Variants in KLC1 observed in about 807,000 individuals in gnomAD.
The protein encoded by KLC1 is kinesin 2 60/70kDa.
A neutral mutation model predicts 84.2 loss-of-function variants in KLC1; 30 were observed. The observed-to-expected ratio is 0.36, with a 90% CI of 0.27 to 0.48. KLC1 has a LOEUF of 0.48. Among genes scored for constraint, KLC1 ranks in the 20% least tolerant of loss-of-function variants. The pLI, the probability that KLC1 is intolerant of heterozygous loss-of-function variation, is 0.99. For synonymous variants in KLC1, 289 were observed against 293.3 expected (o/e 0.99, Z 0.15); for missense variants, 499 against 805.4 (o/e 0.62, Z 4.60).
intron 3 of KLC1, 46 bp from the exon 4 acceptor site, chr14:103,662,070 G>T (rs375058603): frequency 2.3e-6 from 3 of 1,310,584 alleles, no homozygotes; most frequent in Non-Finnish European, 3.3e-6. Context: ...GACAGGATGT[G>T]TATAGCACGT....
chr14:103,630,384 A>G (rs2076581809), intron 1 of KLC1, among the ~76,000 whole-genome samples: 1 of 152,222 alleles, frequency 6.6e-6, no homozygotes, highest in South Asian at 2.1e-4. Flanking sequence ...TGAATTAAGA[A>G]TTTACATATT....
rs556434571 is a variant in KLC1 at position 103,645,904 on chromosome 14, C to G, written c.-1-8660C>G. The stretch of plus-strand genomic sequence containing the variant: ...TCCCGAGTAGCTGGGACTACAGGCA[C>G]CCGCCACCATGCCCAGCTAATTTTT... On this transcript the variant is annotated intron_variant, in intron 1 of 16. Transcript: ENST00000334553. Among the ~76,000 whole-genome samples, 20 of 152,042 alleles carry G rather than the reference C, an allele frequency of 1.3e-4. No individual in the cohort carries two copies. In the South Asian group the frequency reaches 4.2e-3, roughly 32 times the overall value.
intron 1 of KLC1, among the ~76,000 whole-genome samples, chr14:103,649,786 C>T (rs146600092): frequency 0.015 from 2,300 of 151,738 alleles, 31 homozygotes; most frequent in South Asian, 0.04. Context: ...AGCTTCGTCT[C>T]CCGGGTTCAC....
At chr14:103,642,695 T>C (rs1444648255) in intron 1 of KLC1, among the ~76,000 whole-genome samples, 2 of 151,898 alleles carry the variant, frequency 1.3e-5, no homozygotes, top group African/African-American at 4.8e-5. Context: ...AGGAACCAAC[T>C]GAAAGAGCTC....
intron 15 of KLC1, chr14:103,695,883 CCT>C (rs2082432622): frequency 1.0e-6 from 1 of 985,262 alleles, no homozygotes; most frequent in South Asian, 4.7e-5. Flanking sequence ...AATCTGAGTA[CCT>C]GAGTCCCCGA....
intron 2 of KLC1, among the ~76,000 whole-genome samples, 189 bp downstream of exon 2, chr14:103,655,014 G>T (rs995111169): frequency 6.6e-6 from 1 of 152,084 alleles, no homozygotes; most frequent in Non-Finnish European, 1.5e-5. Context: ...ATCACTTGAG[G>T]TCAGGAGTTT....
intron 16 of KLC1, 130 bp from the exon 17 acceptor site, chr14:103,701,071 C>T: frequency 8.5e-7 from 1 of 1,183,308 alleles, no homozygotes; most frequent in South Asian, 1.4e-5. Context: ...GGGAGGCTCA[C>T]AACCAGCAAC....
intron 14 of KLC1, among the ~76,000 whole-genome samples, chr14:103,688,306 C>T (rs1436803258): frequency 3.9e-5 from 6 of 152,124 alleles, no homozygotes; most frequent in Non-Finnish European, 8.8e-5. Context: ...CATGCCACCA[C>T]GCCTGGCTAG....
chr14:103,664,779 T>G (rs1224598625), intron 5 of KLC1, among the ~76,000 whole-genome samples: 1 of 151,012 alleles, frequency 6.6e-6, no homozygotes, highest in Non-Finnish European at 1.5e-5. Flanking sequence ...TACCCCATAG[T>G]GCTAGGATTA....
intron 1 of KLC1, among the ~76,000 whole-genome samples, chr14:103,640,549 A>G (rs1433248105): frequency 6.6e-6 from 1 of 151,710 alleles, no homozygotes; most frequent in Non-Finnish European, 1.5e-5. Context: ...TTTGGTAGAG[A>G]TGGGGTTTCA....
At position 103,673,136 on chromosome 14, in the gene KLC1, G is replaced by A. The variant is rs373954371; in HGVS notation, c.1110G>A (p.Gln370=). The A allele has an allele frequency of 5.3e-5, 85 of 1,613,860 alleles. No individual in the cohort carries two copies. Among genetic ancestry groups the A allele is most frequent in the Non-Finnish European group, 6.8e-5 (80 of 1,180,008 alleles). The change falls in exon 8 of 17, where the codon CAG becomes CAA. Residue 370 remains glutamine, a synonymous_variant. Coordinates refer to ENST00000334553, the MANE Select transcript of KLC1 (RefSeq NM_001394837.1). The stretch of plus-strand genomic sequence containing the variant: ...ATCAAAGAGCCCTCGAGATCTACCA[G>A]ACAAAACTGGGACCTGATGACCCCA... The part of the protein sequence containing the change: ...YYYQRALEIY[Q]TKLGPDDPNV...
At position 103,659,979 on chromosome 14, in the gene KLC1, CCATCA is replaced by C; in HGVS notation, c.493-2136_493-2132del. On this transcript the variant is annotated intron_variant, in intron 3 of 16. Coordinates refer to ENST00000334553, the MANE Select transcript of KLC1 (RefSeq NM_001394837.1). ...GTCTCTTTTTATGAGGGCACTAATC[CCATCA>C]TGAGGGCCCCACACTTTCGAGCTCA... Among the ~76,000 whole-genome samples, 3 of 152,136 alleles carry C rather than the reference CCATCA, an allele frequency of 2.0e-5. No homozygotes were observed. The South Asian group carries it at 6.2e-4, about 32-fold the overall frequency.
chr14:103,679,621 CAT>C lies in KLC1; in HGVS notation c.1650+77_1650+78del, dbSNP rs201698391. Reference sequence around the variant, plus strand: ...CGCTTGCCAGGCCTTCCTCCTGTCTCATGTGCTAGACCTTCTGCTTTTCTCAA... The same window carrying C: ...CGCTTGCCAGGCCTTCCTCCTGTCTCGTGCTAGACCTTCTGCTTTTCTCAA... On this transcript the variant is annotated intron_variant, in intron 13 of 16. Coordinates refer to ENST00000334553, the MANE Select transcript of KLC1 (RefSeq NM_001394837.1). 353 of 1,093,766 alleles carry C rather than the reference CAT, an allele frequency of 3.2e-4. 3 individuals are homozygous for C. The East Asian group carries it at 5.2e-3, about 16-fold the overall frequency. 67.8% of individuals were successfully genotyped at this position (1,093,766 alleles called of 1,614,324 possible).
chr14:103,679,306 T>C, intron 12 of KLC1, 78 bp from the exon 13 acceptor site: 2 of 1,405,392 alleles, frequency 1.4e-6, no homozygotes, highest in Non-Finnish European at 9.7e-7. Flanking sequence ...TTTTTTTTTC[T>C]AGCGAAGTAT....
chr14:103,635,759 G>GA (rs371271297), intron 1 of KLC1, among the ~76,000 whole-genome samples: 20 of 141,724 alleles, frequency 1.4e-4, no homozygotes, highest in East Asian at 4.1e-4. Flanking sequence ...ATCTCAAAAA[G>GA]AAAAAAAAAA....
chr14:103,640,392 G>A (rs1167376084), intron 1 of KLC1, among the ~76,000 whole-genome samples: 1 of 150,100 alleles, frequency 6.7e-6, no homozygotes, highest in South Asian at 2.1e-4. Context: ...ACAGAGTCTC[G>A]CGCTGTCGCC....
intron 1 of KLC1, among the ~76,000 whole-genome samples, chr14:103,650,373 C>T (rs190621195): frequency 4.6e-5 from 7 of 152,208 alleles, no homozygotes; most frequent in Non-Finnish European, 1.0e-4. Flanking sequence ...TTATTGCATG[C>T]CCGTGGGTTG....
intron 5 of KLC1, 136 bp downstream of exon 5, chr14:103,663,063 A>T (rs1338224455): frequency 2.3e-5 from 13 of 574,504 alleles, no homozygotes; most frequent in Non-Finnish European, 1.5e-5. Flanking sequence ...ACAGGGGTTA[A>T]ATTAAAAATA....
At chr14:103,662,036 G>T (rs2079340048) in intron 3 of KLC1, 80 bp from the exon 4 acceptor site, 1 of 882,426 alleles carries the variant, frequency 1.1e-6, no homozygotes, top group Non-Finnish European at 1.9e-6. Context: ...TAGTTAAAAT[G>T]TATTTAATAT....
Sources: allele counts gnomAD v4.1 joint callset (sites outside exome capture counted in the v4.1 genomes callset), GRCh38; gene constraint gnomAD v4.1.1; transcripts MANE v1.5; gene names NCBI Gene and HGNC (gene_info 2026-07-23, HGNC 2026-07-21).